CELF2: variants seen among roughly 807,000 people sequenced by gnomAD.
The protein encoded by CELF2 is CUGBP Elav-like family member 2.
CELF2 carries 8 observed loss-of-function variants against 62.6 expected under a neutral mutation model. That is an observed-to-expected ratio of 0.13 (90% confidence interval 0.07 to 0.23). CELF2 has a LOEUF of 0.23. Ranked by LOEUF, CELF2 falls within the 10% of genes least tolerant of loss-of-function variation. CELF2 has a pLI of 1.00. For synonymous variants in CELF2, 258 were observed against 250.0 expected (o/e 1.03, Z -0.30); for missense variants, 333 against 671.0 (o/e 0.50, Z 5.56).
chr10:10,575,684 T>A, the CELF2 span, among the ~76,000 whole-genome samples: 13 of 152,210 alleles, frequency 8.5e-5, no homozygotes, highest in Middle Eastern at 3.2e-3. Flanking sequence ...ATGTTTAAAT[T>A]TTTAGGTCAA....
At chr10:10,702,178 G>A in the CELF2 span, among the ~76,000 whole-genome samples, 3 of 152,084 alleles carry the variant, frequency 2.0e-5, no homozygotes, top group Non-Finnish European at 4.4e-5. Flanking sequence ...ACAAAAAGAG[G>A]AGGAACAGGA....
Position 11,314,343 on chromosome 10 carries a change from C to A in CELF2, c.1096+85C>A, listed in dbSNP as rs763125441. 45 of 1,578,274 alleles carry A rather than the reference C, an allele frequency of 2.9e-5. No individual in the cohort carries two copies. The highest frequency in any genetic ancestry group is 9.6e-6 in the Non-Finnish European group (11 of 1,148,434). ...AGAAAGTGGTCAGCCAGAAATGACC[C>A]GAAAAAGGATATGCCACGGGGAGAA... On this transcript the variant is annotated intron_variant, in intron 10 of 12. Transcript: ENST00000633077. This position sits in a 1 kb window ranked among gnomAD's most constrained non-coding sequence, Gnocchi z 5.3.
At chr10:10,809,249 G>T (rs1467601397) in intron 1 of CELF2, among the ~76,000 whole-genome samples, 1 of 152,084 alleles carries the variant, frequency 6.6e-6, no homozygotes, top group Non-Finnish European at 1.5e-5. Flanking sequence ...CAGCAAGAAG[G>T]TGCTGTCTGC....
intron 2 of CELF2, among the ~76,000 whole-genome samples, chr10:10,922,082 G>GA (rs1224390982): frequency 6.6e-6 from 1 of 150,844 alleles, no homozygotes; most frequent in African/African-American, 2.4e-5. Flanking sequence ...TTTATGTAAA[G>GA]AAAATCTTTG....
chr10:10,611,966 C>A, the CELF2 span, among the ~76,000 whole-genome samples: 3 of 152,082 alleles, frequency 2.0e-5, no homozygotes, highest in African/African-American at 4.8e-5. Flanking sequence ...CCAAGGAGAT[C>A]CATGATTTCA....
the CELF2 span, among the ~76,000 whole-genome samples, chr10:10,508,087 C>T: frequency 1.8e-4 from 27 of 152,120 alleles, no homozygotes; most frequent in African/African-American, 6.3e-4. Flanking sequence ...CCCAGAACAA[C>T]TTGGGGATAC....
intron 2 of CELF2, among the ~76,000 whole-genome samples, chr10:10,953,197 A>C (rs572297797): frequency 1.3e-5 from 2 of 152,348 alleles, no homozygotes; most frequent in Admixed American, 1.3e-4. Flanking sequence ...AAAGCATTGA[A>C]AATCAAGGAG....
chr10:10,705,366 T>TAG, the CELF2 span, among the ~76,000 whole-genome samples: 3 of 134,042 alleles, frequency 2.2e-5, no homozygotes, highest in East Asian at 6.6e-4. Context: ...CCTTCCCTAT[T>TAG]AAAAAAAAAA....
chr10:10,856,419 AG>A (rs1203233108), intron 1 of CELF2, among the ~76,000 whole-genome samples: 3 of 152,214 alleles, frequency 2.0e-5, no homozygotes. Flanking sequence ...TCTGCAAAGT[AG>A]AACAGAGAGA....
chr10:10,821,948 G>A (rs1370186978), intron 1 of CELF2, among the ~76,000 whole-genome samples: 1 of 152,192 alleles, frequency 6.6e-6, no homozygotes, highest in South Asian at 2.1e-4. Context: ...TTTATTAAAA[G>A]ACAAGGATGA....
chr10:10,788,203 G>C, the CELF2 span, among the ~76,000 whole-genome samples: 1 of 152,104 alleles, frequency 6.6e-6, no homozygotes, highest in Non-Finnish European at 1.5e-5. Context: ...TAAGAATGTA[G>C]CTGTATGGAT....
At chr10:10,728,130 A>G in the CELF2 span, among the ~76,000 whole-genome samples, 3 of 150,862 alleles carry the variant, frequency 2.0e-5, no homozygotes, top group South Asian at 2.1e-4. Flanking sequence ...TTTTTTTCTG[A>G]TAAGTATGGA....
the CELF2 span, among the ~76,000 whole-genome samples, chr10:10,561,139 A>G: frequency 6.6e-6 from 1 of 152,184 alleles, no homozygotes; most frequent in Non-Finnish European, 1.5e-5. Flanking sequence ...ATCAAATATT[A>G]CTGATACCCC....
intron 1 of CELF2, among the ~76,000 whole-genome samples, chr10:11,089,213 G>A (rs1412500299): frequency 1.3e-5 from 2 of 152,182 alleles, no homozygotes; most frequent in African/African-American, 4.8e-5. Context: ...CATGTGGGAT[G>A]GGAATAATTT....
chr10:10,587,460 C>T, the CELF2 span, among the ~76,000 whole-genome samples: 2 of 152,132 alleles, frequency 1.3e-5, no homozygotes, highest in Admixed American at 6.6e-5. Context: ...CAAGTCCTTG[C>T]TACACAATTA....
At chr10:11,213,837 A>T (rs902671951) in intron 2 of CELF2, among the ~76,000 whole-genome samples, 1 of 152,240 alleles carries the variant, frequency 6.6e-6, no homozygotes, top group Admixed American at 6.5e-5. Context: ...GTGAACCATT[A>T]TGAATGCTGA....
In CELF2 at chr10:11,017,882, G is replaced by C; in HGVS notation, c.-208G>C. On this transcript the variant is annotated 5_prime_UTR_variant, in exon 1 of 13. Coordinates refer to ENST00000633077, the MANE Select transcript of CELF2 (RefSeq NM_001326342.2). This position sits in a 1 kb window ranked among gnomAD's most constrained non-coding sequence, Gnocchi z 5.5. ...CGCCCCGCGAGCTCCGCCCCCGCCC[G>C]CCGCACCTGGCGCTCGGCAGCCGGC... The C allele has an allele frequency of 3.2e-6, 3 of 926,700 alleles. No homozygotes were observed. Among genetic ancestry groups the C allele is most frequent in the Non-Finnish European group, 3.9e-6 (3 of 778,586 alleles). 57.4% of individuals were successfully genotyped at this position (926,700 alleles called of 1,614,324 possible).
the CELF2 span, among the ~76,000 whole-genome samples, chr10:10,581,761 G>A: frequency 6.6e-6 from 1 of 152,180 alleles, no homozygotes; most frequent in Non-Finnish European, 1.5e-5. Flanking sequence ...CAGGCGCGGT[G>A]GTTCACGCCT....
the CELF2 span, among the ~76,000 whole-genome samples, chr10:10,501,055 GC>G: frequency 6.6e-6 from 1 of 152,182 alleles, no homozygotes; most frequent in Admixed American, 6.5e-5. Flanking sequence ...CTGGGTTGGG[GC>G]TATGATGAAT....
Sources: gnomAD v4.1 joint callset for allele counts (sites outside exome capture counted in the v4.1 genomes callset) on GRCh38, gnomAD v4.1.1 for gene constraint, Gnocchi (gnomAD v3.1) non-coding constraint, MANE v1.5 for transcripts, NCBI Gene and HGNC (gene_info 2026-07-23, HGNC 2026-07-21) for gene names.